Variants in POLR2B observed in about 807,000 individuals in gnomAD.
POLR2B encodes RNA polymerase II subunit B.
In POLR2B, 57 loss-of-function variants were observed where a neutral mutation model predicts 144.6. The ratio of observed to expected loss-of-function variants is 0.39; its 90% CI spans 0.32 to 0.49. The LOEUF is 0.49. POLR2B is among the 20% of genes least tolerant of loss of function. The pLI is 0.83. For missense variants in POLR2B, 595 were observed against 1,467.4 expected (o/e 0.41, Z 9.71); for synonymous variants, 442 against 469.8 (o/e 0.94, Z 0.77).
At chr4:57,030,449 T>G (rs773218957) in intron 24 of POLR2B, 50 bp downstream of exon 24, 1 of 1,367,448 alleles carries the variant, frequency 7.3e-7, no homozygotes, top group East Asian at 2.3e-5. Context: ...GGAAACTGTG[T>G]TGGTCTGATT....
At chr4:57,019,027 TTAGTG>T (rs1302492865) in intron 16 of POLR2B, among the ~76,000 whole-genome samples, 3 of 152,182 alleles carry the variant, frequency 2.0e-5, no homozygotes, top group Non-Finnish European at 4.4e-5. Context: ...AAGTTTATCT[TTAGTG>T]TATTGTAATG....
intron 9 of POLR2B, among the ~76,000 whole-genome samples, chr4:57,006,361 A>G (rs757488005): frequency 3.9e-5 from 6 of 152,046 alleles, no homozygotes; most frequent in Non-Finnish European, 8.8e-5. Flanking sequence ...CTGGAGTGCA[A>G]TGGTGCCATC....
At chr4:57,004,233 G>T (rs1036877189) in intron 7 of POLR2B, among the ~76,000 whole-genome samples, 1 of 135,422 alleles carries the variant, frequency 7.4e-6, no homozygotes, top group Non-Finnish European at 1.6e-5. Context: ...CACTGTGTTG[G>T]CCAGGCTGGT....
At chr4:57,000,764 C>T (rs1011554561) in intron 7 of POLR2B, among the ~76,000 whole-genome samples, 25 of 152,210 alleles carry the variant, frequency 1.6e-4, no homozygotes, top group East Asian at 1.9e-4. Context: ...GGCACGATCT[C>T]GGCTCACCAC....
intron 1 of POLR2B, among the ~76,000 whole-genome samples, chr4:56,979,657 C>T (rs753025765): frequency 5.9e-5 from 9 of 152,072 alleles, no homozygotes; most frequent in Non-Finnish European, 1.3e-4. Context: ...CGCGGTGGCT[C>T]CCGTCAGCAC....
chr4:56,986,455 G>C, intron 2 of POLR2B, 29 bp downstream of exon 2: 1 of 1,403,522 alleles, frequency 7.1e-7, no homozygotes. Context: ...GAATTAGCCT[G>C]AAAAGGCACT....
At chr4:57,016,602 TATA>T (rs1440403839) in intron 14 of POLR2B, among the ~76,000 whole-genome samples, 5 of 150,002 alleles carry the variant, frequency 3.3e-5, no homozygotes, top group African/African-American at 1.2e-4. Flanking sequence ...AATTATTACA[TATA>T]ATATGACAAT....
At chr4:57,010,565 T>G in intron 11 of POLR2B, 61 bp downstream of exon 11, 1 of 1,516,688 alleles carries the variant, frequency 6.6e-7, no homozygotes, top group East Asian at 2.3e-5. Context: ...TAGGGCATAA[T>G]TACTTTTAGA....
At chr4:57,030,426 A>T in intron 24 of POLR2B, 27 bp downstream of exon 24, 1 of 1,539,416 alleles carries the variant, frequency 6.5e-7, no homozygotes, top group Non-Finnish European at 8.9e-7. Context: ...CTGGCAGTTG[A>T]TATTTGTTTA....
chr4:56,983,793 A>G (rs983678433), intron 1 of POLR2B, among the ~76,000 whole-genome samples: 5 of 150,660 alleles, frequency 3.3e-5, no homozygotes, highest in Non-Finnish European at 5.9e-5. Flanking sequence ...GACATGAGCC[A>G]CTGCACCTGG....
At position 56,999,798 on chromosome 4, in the gene POLR2B, A is replaced by T; in HGVS notation, c.900+17A>T. 1 of 1,533,162 alleles carries T rather than the reference A, an allele frequency of 6.5e-7. No homozygotes were observed. The highest frequency in any genetic ancestry group is 1.1e-5 in the South Asian group (1 of 88,536). 95.0% of individuals were successfully genotyped at this position (1,533,162 alleles called of 1,614,324 possible). A position where few individuals can be genotyped will look rare whatever the true frequency, so the allele number is the denominator to read the frequency against. ...ATGGAAATGGTAATGTGAAAGCAAA[A>T]TGTATTCACAGAGCTTTATAAGAGA... On this transcript the variant is annotated intron_variant, in intron 7 of 24. Coordinates refer to ENST00000314595, the MANE Select transcript of POLR2B (RefSeq NM_000938.3).
At chr4:57,025,092 T>C (rs780363185) in intron 22 of POLR2B, 93 bp downstream of exon 22, 1 of 703,308 alleles carries the variant, frequency 1.4e-6, no homozygotes, top group Non-Finnish European at 2.5e-6. Flanking sequence ...TATTGAAGTA[T>C]CATATGTGCA....
At chr4:57,001,565 G>A (rs927163145) in intron 7 of POLR2B, among the ~76,000 whole-genome samples, 21 of 152,156 alleles carry the variant, frequency 1.4e-4, no homozygotes, top group Admixed American at 3.9e-4. Context: ...CCCATGATTA[G>A]ATTCAATTTA....
Position 57,024,921 on chromosome 4 carries a change from T to C in POLR2B, c.3000T>C (p.Thr1000=), listed in dbSNP as rs1193386599. The change falls in exon 22 of 25, where the codon ACT becomes ACC. Residue 1000 remains threonine (T), a synonymous_variant. Transcript: ENST00000314595. Reference sequence around the variant, plus strand: ...ACAAGGGTGAAATTGGTGATGCCACTCCATTTAATGATGCTGTTAACGTGC... The same window carrying C: ...ACAAGGGTGAAATTGGTGATGCCACCCCATTTAATGATGCTGTTAACGTGC... ...SANKGEIGDA[T]PFNDAVNVQK... 1.3e-6 allele frequency: 2 copies of C among 1,597,808 alleles called. No homozygotes were observed.
At position 57,023,778 on chromosome 4, in the gene POLR2B, C is replaced by T. The variant is rs746418639; in HGVS notation, c.2856+27C>T. Reference sequence around the variant, plus strand: ...TAGGTATCTTTGATCTCCCTCATGCCCAAACCAGTTTTGTTAAATATTTTT... The same window carrying T: ...TAGGTATCTTTGATCTCCCTCATGCTCAAACCAGTTTTGTTAAATATTTTT... On this transcript the variant is annotated intron_variant, in intron 20 of 24. Transcript: ENST00000314595. The surrounding 1 kb of genome is among the most constrained non-coding windows in gnomAD (Gnocchi z 4.3). 1.4e-6 allele frequency: 2 copies of T among 1,390,160 alleles called. No individual in the cohort carries two copies. Among genetic ancestry groups the T allele is most frequent in the South Asian group, 2.5e-5 (2 of 79,428 alleles). 86.1% of individuals were successfully genotyped at this position (1,390,160 alleles called of 1,614,324 possible).
chr4:57,007,067 T>C lies in POLR2B; in HGVS notation c.1404+65T>C. 7.0e-6 allele frequency: 8 copies of C among 1,137,504 alleles called. No homozygotes were observed. In the South Asian group the frequency reaches 1.1e-4, roughly 16 times the overall value. 70.5% of individuals were successfully genotyped at this position (1,137,504 alleles called of 1,614,324 possible). On this transcript the variant is annotated intron_variant, in intron 10 of 24. Transcript: ENST00000314595. ...ATGTTTATAGGACTAGTAGATTCTT[T>C]TGTTTGTTGAATATAAATTATTTTG...
chr4:56,981,352 G>T (rs1366051449), intron 1 of POLR2B, among the ~76,000 whole-genome samples: 2 of 151,746 alleles, frequency 1.3e-5, no homozygotes, highest in Admixed American at 1.3e-4. Flanking sequence ...GTCATTTTCG[G>T]GTTCAAACAG....
Position 57,031,081 on chromosome 4 carries a change from T to C in POLR2B, c.*93T>C. 1 of 817,166 alleles carries C rather than the reference T, an allele frequency of 1.2e-6. No homozygotes were observed. Among genetic ancestry groups the C allele is most frequent in the Non-Finnish European group, 2.1e-6 (1 of 482,380 alleles). 50.6% of individuals were successfully genotyped at this position (817,166 alleles called of 1,614,324 possible). On this transcript the variant is annotated 3_prime_UTR_variant, in exon 25 of 25. Coordinates refer to ENST00000314595, the MANE Select transcript of POLR2B (RefSeq NM_000938.3). ...AAAATGACAAATATGTACTGTGTTG[T>C]GATAAAAAGTATTTTATTTGTTTAA...
At chr4:57,001,361 G>A (rs1722848701) in intron 7 of POLR2B, among the ~76,000 whole-genome samples, 1 of 152,162 alleles carries the variant, frequency 6.6e-6, no homozygotes, top group South Asian at 2.1e-4. Context: ...GTTTCACTGT[G>A]TTGGCCAAAC....
Sources: gnomAD v4.1 joint callset for allele counts (sites outside exome capture counted in the v4.1 genomes callset) on GRCh38, gnomAD v4.1.1 for gene constraint, Gnocchi (gnomAD v3.1) non-coding constraint, MANE v1.5 for transcripts, NCBI Gene and HGNC (gene_info 2026-07-23, HGNC 2026-07-21) for gene names.